Variants in PTPRT observed in about 807,000 individuals in gnomAD.
PTPRT encodes the protein receptor-type tyrosine-protein phosphatase T.
A neutral mutation model predicts 176.8 loss-of-function variants in PTPRT; 56 were observed. The ratio of observed to expected loss-of-function variants is 0.32; its 90% confidence interval spans 0.26 to 0.40. The LOEUF is 0.40. PTPRT is among the 10% of genes least tolerant of loss of function. The pLI, the probability that PTPRT is intolerant of heterozygous loss-of-function variation, is 1.00. For missense variants in PTPRT, 1,540 were observed against 1,908.2 expected, an observed-to-expected ratio of 0.81 and a Z score of 3.60; for synonymous variants, 783 against 739.0, an observed-to-expected ratio of 1.06 and a Z score of -0.96.
chr20:42,701,975 A>G (rs928931037), intron 6 of PTPRT, among the ~76,000 whole-genome samples: 13 of 152,154 alleles, frequency 8.5e-5, no homozygotes, highest in African/African-American at 2.9e-4. Flanking sequence ...CAAAACAGGT[A>G]AGAGTGTGTG....
intron 1 of PTPRT, among the ~76,000 whole-genome samples, chr20:43,141,259 A>G (rs2013993714): frequency 6.6e-6 from 1 of 152,158 alleles, no homozygotes; most frequent in Non-Finnish European, 1.5e-5. Context: ...TTACCTTATG[A>G]TTCTGTGGGT....
At chr20:42,129,020 C>G (rs1015182771) in intron 18 of PTPRT, among the ~76,000 whole-genome samples, 190 bp from the exon 19 acceptor site, 1 of 152,132 alleles carries the variant, frequency 6.6e-6, no homozygotes, top group Non-Finnish European at 1.5e-5. Flanking sequence ...GAGGTAAGCA[C>G]TTCTCATTTT....
At chr20:42,598,201 T>A (rs2073709357) in intron 7 of PTPRT, among the ~76,000 whole-genome samples, 1 of 151,994 alleles carries the variant, frequency 6.6e-6, no homozygotes, top group South Asian at 2.1e-4. Flanking sequence ...TAAGAGGAAA[T>A]AGCAAGTTTA....
chr20:42,770,387 C>T (rs928013128), intron 5 of PTPRT, among the ~76,000 whole-genome samples: 4 of 152,180 alleles, frequency 2.6e-5, no homozygotes, highest in Admixed American at 2.0e-4. Context: ...TTCTGTGCTG[C>T]CCCAAAAACT....
intron 1 of PTPRT, among the ~76,000 whole-genome samples, chr20:43,024,364 G>T (rs1985828129): frequency 6.6e-6 from 1 of 152,116 alleles, no homozygotes; most frequent in Non-Finnish European, 1.5e-5. Context: ...TCCAAGGCTG[G>T]TAGATCATGA....
chr20:43,097,041 C>G (rs2012200273), intron 1 of PTPRT, among the ~76,000 whole-genome samples: 1 of 152,208 alleles, frequency 6.6e-6, no homozygotes, highest in Admixed American at 6.5e-5. Flanking sequence ...GAGGAGCACA[C>G]AGAACACGAG....
chr20:42,559,830 G>A (rs1006475199), intron 7 of PTPRT, among the ~76,000 whole-genome samples: 3 of 152,174 alleles, frequency 2.0e-5, no homozygotes, highest in African/African-American at 4.8e-5. Context: ...AAAGTTCATT[G>A]TGCTAGAAAA....
At chr20:42,567,764 T>A (rs1219607878) in intron 7 of PTPRT, among the ~76,000 whole-genome samples, 4 of 152,224 alleles carry the variant, frequency 2.6e-5, no homozygotes, top group African/African-American at 7.2e-5. Flanking sequence ...AGTTGCAAAG[T>A]ATTTATTGAA....
rs181680910 is a variant in PTPRT, at chr20:42,235,776, T to A, written c.2342+453A>T. ...GATAAAGTAATGAATCCCTGCAGAC[T>A]TTCTGAAATAGCATAAACAGCCAAT... On this transcript the variant is annotated intron_variant, in intron 15 of 30. Transcript: ENST00000373187. Among the ~76,000 whole-genome samples the A allele has an allele frequency of 9.2e-5, 14 of 152,312 alleles. No homozygotes were observed. The East Asian group carries it at 1.9e-3, about 21-fold the overall frequency.
Position 42,128,841 on chromosome 20 carries a change from A to G in PTPRT, c.2771-11T>C, listed in dbSNP as rs1324383920. ...CCCGGGAATGGTCGTCTGCAGAGAG[A>G]GCAGAAATCAAGGGGATGGTTGATA... On this transcript the variant is annotated splice_polypyrimidine_tract_variant and intron_variant, in intron 18 of 30. Coordinates refer to ENST00000373187, the MANE Select transcript of PTPRT (RefSeq NM_007050.6). 6.3e-7 allele frequency: 1 copy of G among 1,597,812 alleles called. No individual in the cohort carries two copies. The highest frequency in any genetic ancestry group is 1.3e-5 in the African/African-American group (1 of 74,148).
intron 1 of PTPRT, among the ~76,000 whole-genome samples, chr20:43,153,266 G>T (rs1253607278): frequency 1.3e-5 from 2 of 152,180 alleles, no homozygotes; most frequent in African/African-American, 2.4e-5. Flanking sequence ...ACACAGATAT[G>T]TTAATATATC....
At chr20:42,722,968 C>T (rs2076325474) in intron 6 of PTPRT, among the ~76,000 whole-genome samples, 2 of 152,166 alleles carry the variant, frequency 1.3e-5, no homozygotes, top group Admixed American at 1.3e-4. Flanking sequence ...CTGCCAGACT[C>T]AGATGACTTG....
At chr20:42,259,647 G>C (rs917613159) in intron 13 of PTPRT, among the ~76,000 whole-genome samples, 7 of 152,188 alleles carry the variant, frequency 4.6e-5, no homozygotes, top group African/African-American at 1.4e-4. Flanking sequence ...ATACTTTGTA[G>C]ACTGGGTTAG....
the PTPRT span, among the ~76,000 whole-genome samples, chr20:42,058,461 C>T: frequency 6.6e-6 from 1 of 152,152 alleles, no homozygotes; most frequent in South Asian, 2.1e-4. Flanking sequence ...TGATTTGGTT[C>T]CTTGTAATCT....
intron 2 of PTPRT, among the ~76,000 whole-genome samples, chr20:42,844,582 T>C (rs976113073): frequency 6.6e-6 from 1 of 152,184 alleles, no homozygotes; most frequent in Non-Finnish European, 1.5e-5. Context: ...AGAAGGCCCC[T>C]GGCTGGGGCT....
chr20:42,517,840 T>A (rs865804888), intron 7 of PTPRT, among the ~76,000 whole-genome samples: 1 of 151,974 alleles, frequency 6.6e-6, no homozygotes, highest in Non-Finnish European at 1.5e-5. Flanking sequence ...AGGAATGTAG[T>A]CTGTGTGATA....
chr20:42,626,692 C>G (rs2074296268), intron 7 of PTPRT, among the ~76,000 whole-genome samples: 1 of 152,140 alleles, frequency 6.6e-6, no homozygotes, highest in Non-Finnish European at 1.5e-5. Flanking sequence ...AAACGGGCCC[C>G]CTGGGAGTAG....
chr20:42,931,178 A>AC (rs1867032217), intron 1 of PTPRT, among the ~76,000 whole-genome samples: 1 of 152,120 alleles, frequency 6.6e-6, no homozygotes. Context: ...TGAAGCTCTA[A>AC]CCCCCAGTGT....
intron 1 of PTPRT, among the ~76,000 whole-genome samples, chr20:43,148,096 T>G (rs1278984017): frequency 1.3e-5 from 2 of 152,170 alleles, no homozygotes; most frequent in Non-Finnish European, 2.9e-5. Flanking sequence ...GCATTGACAT[T>G]TCCATACCCT....
Sources: allele counts gnomAD v4.1 joint callset (sites outside exome capture counted in the v4.1 genomes callset), GRCh38; gene constraint gnomAD v4.1.1; transcripts MANE v1.5; gene names NCBI Gene and HGNC (gene_info 2026-07-23, HGNC 2026-07-21).